Variants in KCNK3 observed in about 807,000 individuals in gnomAD.
KCNK3 encodes the protein potassium two pore domain channel subfamily K member 3.
A neutral mutation model predicts 27.3 loss-of-function variants in KCNK3; 9 were observed. That is an observed-to-expected ratio of 0.33 (90% CI 0.20 to 0.57). KCNK3 has a LOEUF of 0.57. KCNK3 is among the 20% of genes least tolerant of loss of function. The pLI, the probability that KCNK3 is intolerant of heterozygous loss-of-function variation, is 0.87. For synonymous variants in KCNK3, 278 were observed against 273.8 expected (o/e 1.02, Z -0.15); for missense variants, 391 against 577.7 (o/e 0.68, Z 3.31).
At chr2:26,696,542 C>T (rs1203408780) in intron 1 of KCNK3, among the ~76,000 whole-genome samples, 2 of 152,214 alleles carry the variant, frequency 1.3e-5, no homozygotes, top group Non-Finnish European at 2.9e-5. Flanking sequence ...CTTAGTCATT[C>T]ACCTGGTTAG....
Position 26,693,759 on chromosome 2 carries a change from A to G in KCNK3, c.283+601A>G, listed in dbSNP as rs1323904890. 6.6e-6 allele frequency among the ~76,000 whole-genome samples: 1 copy of G among 152,224 alleles called. No individual in the cohort carries two copies. Among genetic ancestry groups the G allele is most frequent in the Non-Finnish European group, 1.5e-5 (1 of 68,036 alleles). ...TCAGAGCGGCAGAATTGGTGCGGGA[A>G]GCCAGATCTGGCCTTGTCAGCCTTC... On this transcript the variant is annotated intron_variant, in intron 1 of 1. Transcript: ENST00000302909. The surrounding 1 kb of genome is among the most constrained non-coding windows in gnomAD (Gnocchi z 5.5).
chr2:26,706,895 C>G (rs1670381837), intron 1 of KCNK3, among the ~76,000 whole-genome samples: 1 of 152,178 alleles, frequency 6.6e-6, no homozygotes, highest in Non-Finnish European at 1.5e-5. Flanking sequence ...GCGAGTCATA[C>G]CTGCCCCTGG....
At chr2:26,726,104 CACAGAG>C (rs1453244033) in intron 1 of KCNK3, among the ~76,000 whole-genome samples, 3,305 of 80,382 alleles carry the variant, frequency 0.041, 63 homozygotes, top group Middle Eastern at 0.053. Context: ...CACACACACA[CACAGAG>C]AGAGAGAGAG....
In KCNK3 at chr2:26,692,756, G is replaced by GCGCGCT. The variant is rs1670185166; in HGVS notation, c.-120_-119insCGCGCT. On this transcript the variant is annotated 5_prime_UTR_variant, in exon 1 of 2. Transcript: ENST00000302909. This position sits in a 1 kb window ranked among gnomAD's most constrained non-coding sequence, Gnocchi z 5.6. ...GGCCCCGGGCGCTGAGCGGGTGCCC[G>GCGCGCT]GCGCGGAGAGCGGCGAGCGCAGCCA... 1.9e-5 allele frequency: 9 copies of GCGCGCT among 466,120 alleles called. 1 individual carries two copies. The South Asian group carries it at 2.5e-4, about 13-fold the overall frequency. The allele number at this position is 466,120 out of a possible 1,614,324, so 28.9% of individuals were successfully genotyped here.
intron 1 of KCNK3, among the ~76,000 whole-genome samples, chr2:26,726,106 CAGAG>C (rs1168877805): frequency 2.8e-4 from 23 of 81,720 alleles, no homozygotes; most frequent in African/African-American, 7.3e-4. Context: ...CACACACACA[CAGAG>C]AGAGAGAGAG....
chr2:26,725,915 A>G (rs1307899441), intron 1 of KCNK3, among the ~76,000 whole-genome samples: 2 of 152,188 alleles, frequency 1.3e-5, no homozygotes, highest in Non-Finnish European at 2.9e-5. Context: ...CACTTCACTC[A>G]TTATTAATCA....
At chr2:26,720,768 C>T (rs193130025) in intron 1 of KCNK3, among the ~76,000 whole-genome samples, 8 of 152,114 alleles carry the variant, frequency 5.3e-5, no homozygotes, top group African/African-American at 1.7e-4. Context: ...AGAGAGGCCT[C>T]GGGAAGGGGC....
In KCNK3 at chr2:26,728,611, A is replaced by G; in HGVS notation, c.*43A>G. On this transcript the variant is annotated 3_prime_UTR_variant, in exon 2 of 2. Coordinates refer to ENST00000302909, the MANE Select transcript of KCNK3 (RefSeq NM_002246.3). ...GAGCACCTGGGGGCGCGGGCGGGGGACCCCTGCTGGGAGGCCAGGAGACTG... is the reference window on the plus strand; with the variant it reads ...GAGCACCTGGGGGCGCGGGCGGGGGGCCCCTGCTGGGAGGCCAGGAGACTG... 4 of 1,387,078 alleles carry G rather than the reference A, an allele frequency of 2.9e-6. No individual in the cohort carries two copies. Among genetic ancestry groups the G allele is most frequent in the East Asian group, 2.8e-5 (1 of 35,900 alleles). The allele number at this position is 1,387,078 out of a possible 1,614,324, so 85.9% of individuals were successfully genotyped here.
intron 1 of KCNK3, among the ~76,000 whole-genome samples, chr2:26,712,659 G>A (rs1208079498): frequency 9.3e-6 from 1 of 107,126 alleles, no homozygotes; most frequent in Non-Finnish European, 1.9e-5. Flanking sequence ...GAGAGGCTGG[G>A]TGTTGGAGTG....
In KCNK3 at chr2:26,693,623, G is replaced by A. The variant is rs1409415051; in HGVS notation, c.283+465G>A. 1.3e-5 allele frequency among the ~76,000 whole-genome samples: 2 copies of A among 152,202 alleles called. No homozygotes were observed. The highest frequency in any genetic ancestry group is 6.5e-5 in the Admixed American group (1 of 15,280). On this transcript the variant is annotated intron_variant, in intron 1 of 1. Transcript: ENST00000302909. This position sits in a 1 kb window ranked among gnomAD's most constrained non-coding sequence, Gnocchi z 5.5. ...GGGAGGCATGAGGATGTCGGAATGC[G>A]GCACTTCGGGGCACTTGGGGCCACC...
In KCNK3 at chr2:26,732,674, C is replaced by T. The variant is rs955635222; in HGVS notation, c.*4106C>T. 2.6e-5 allele frequency: 4 copies of T among 152,282 alleles called. No individual in the cohort carries two copies. Among genetic ancestry groups the T allele is most frequent in the African/African-American group, 7.2e-5 (3 of 41,474 alleles). 9.4% of individuals were successfully genotyped at this position (152,282 alleles called of 1,614,324 possible). On this transcript the variant is annotated 3_prime_UTR_variant, in exon 2 of 2. Transcript: ENST00000302909. ...ATTGACTCACCCACTCCTAAGGCCA[C>T]CACATCAAAATCTGAGGCTTACTGC...
chr2:26,692,753 C>T lies in KCNK3; in HGVS notation c.-123C>T. On this transcript the variant is annotated 5_prime_UTR_variant, in exon 1 of 2. Coordinates refer to ENST00000302909, the MANE Select transcript of KCNK3 (RefSeq NM_002246.3). The surrounding 1 kb of genome is among the most constrained non-coding windows in gnomAD (Gnocchi z 5.6). The stretch of plus-strand genomic sequence containing the variant: ...GGCGGCCCCGGGCGCTGAGCGGGTG[C>T]CCGGCGCGGAGAGCGGCGAGCGCAG... The T allele has an allele frequency of 4.5e-6, 2 of 439,600 alleles. No homozygotes were observed. Among genetic ancestry groups the T allele is most frequent in the Non-Finnish European group, 6.0e-6 (2 of 332,890 alleles). The allele number at this position is 439,600 out of a possible 1,614,324, so 27.2% of individuals were successfully genotyped here. A position where few individuals can be genotyped will look rare whatever the true frequency, so the allele number is the denominator to read the frequency against.
intron 1 of KCNK3, among the ~76,000 whole-genome samples, chr2:26,709,945 C>G (rs1341373931): frequency 6.6e-6 from 1 of 152,256 alleles, no homozygotes; most frequent in Non-Finnish European, 1.5e-5. Flanking sequence ...CACATTCCCT[C>G]CCACCTCATC....
At chr2:26,702,922 C>T (rs904212317) in intron 1 of KCNK3, among the ~76,000 whole-genome samples, 1 of 152,036 alleles carries the variant, frequency 6.6e-6, no homozygotes, top group African/African-American at 2.4e-5. Context: ...TCAAGACCAG[C>T]CTGGCCAACA....
chr2:26,723,671 C>T (rs75057261), intron 1 of KCNK3, among the ~76,000 whole-genome samples: 4 of 152,360 alleles, frequency 2.6e-5, no homozygotes, highest in Non-Finnish European at 4.4e-5. Context: ...ATTGCTTTCC[C>T]TCTCTGGGCC....
intron 1 of KCNK3, among the ~76,000 whole-genome samples, chr2:26,719,388 A>G (rs2384463): frequency 0.43 from 64,766 of 151,920 alleles, 15,398 homozygotes; most frequent in Non-Finnish European, 0.53. Context: ...CTAACATTGT[A>G]TCCTTGCCTC....
At chr2:26,701,357 G>A (rs539421514) in intron 1 of KCNK3, among the ~76,000 whole-genome samples, 41 of 152,308 alleles carry the variant, frequency 2.7e-4, no homozygotes, top group African/African-American at 9.1e-4. Context: ...AGCTGGCACC[G>A]TGAGGTAGAA....
chr2:26,708,874 G>T (rs756185384), intron 1 of KCNK3, among the ~76,000 whole-genome samples: 70 of 152,206 alleles, frequency 4.6e-4, no homozygotes, highest in Non-Finnish European at 2.2e-4. Flanking sequence ...CAGGCCACCC[G>T]CAGGTCAACC....
intron 1 of KCNK3, among the ~76,000 whole-genome samples, chr2:26,697,659 C>T (rs1356163311): frequency 1.3e-5 from 2 of 152,092 alleles, no homozygotes; most frequent in East Asian, 3.9e-4. Context: ...GCCATGGGCT[C>T]GCAGGTGCCC....
Sources: gnomAD v4.1 joint callset for allele counts (sites outside exome capture counted in the v4.1 genomes callset) on GRCh38, gnomAD v4.1.1 for gene constraint, Gnocchi (gnomAD v3.1) non-coding constraint, MANE v1.5 for transcripts, NCBI Gene and HGNC (gene_info 2026-07-23, HGNC 2026-07-21) for gene names.